The following USP7 variants were observed in gnomAD, a reference collection of about 807,000 sequenced individuals.
USP7 encodes the protein ubiquitin specific peptidase 7, also known as ubiquitin C-terminal hydrolase 7.
In USP7, 9 loss-of-function variants were observed where a neutral mutation model predicts 162.9. The observed-to-expected ratio is 0.06, with a 90% CI of 0.03 to 0.10. The LOEUF is 0.10. Ranked by LOEUF, USP7 falls within the 10% of genes least tolerant of loss-of-function variation. USP7 has a pLI of 1.00. For missense variants in USP7, 715 were observed against 1,373.7 expected, an observed-to-expected ratio of 0.52 and a Z score of 7.58; for synonymous variants, 562 against 475.9, an observed-to-expected ratio of 1.18 and a Z score of -2.35.
At chr16:8,901,881 C>T (rs1046304485) in intron 18 of USP7, 4 of 587,436 alleles carry the variant, frequency 6.8e-6, no homozygotes, top group African/African-American at 5.6e-5. Context: ...CACGTGGCTG[C>T]TACTGTCTCC....
At chr16:8,900,747 G>A (rs1289877114) in intron 20 of USP7, 117 bp from the exon 21 acceptor site, 1 of 766,972 alleles carries the variant, frequency 1.3e-6, no homozygotes, top group Non-Finnish European at 2.0e-6. Context: ...CACCTTTTAA[G>A]TTAAAATGTT....
In USP7 at chr16:8,908,318, C is replaced by T. The variant is rs1302625545; in HGVS notation, c.1271+23G>A. The T allele has an allele frequency of 1.9e-6, 3 of 1,584,990 alleles. No individual in the cohort carries two copies. In the African/African-American group the frequency reaches 4.0e-5, roughly 21 times the overall value. On this transcript the variant is annotated intron_variant, in intron 12 of 30. Transcript: ENST00000344836. ...GACCAGCATGATGATGAAATCTTAACTTTATATCCCACTATAGATTACCTA... is the reference window on the plus strand; with the variant it reads ...GACCAGCATGATGATGAAATCTTAATTTTATATCCCACTATAGATTACCTA...
Position 8,958,574 on chromosome 16 carries a change from G to C in USP7, c.79+4633C>G, listed in dbSNP as rs1425558559. Among the ~76,000 whole-genome samples the C allele has an allele frequency of 2.0e-5, 3 of 152,222 alleles. No homozygotes were observed. The East Asian group carries it at 5.8e-4, about 29-fold the overall frequency. On this transcript the variant is annotated intron_variant, in intron 1 of 30. Transcript: ENST00000344836. Reference sequence around the variant, plus strand: ...AAGGGCCTGCTTTCAGGGGATGTCTGAGACAGCCAAACGGGCCTGGCAACA... The same window carrying C: ...AAGGGCCTGCTTTCAGGGGATGTCTCAGACAGCCAAACGGGCCTGGCAACA...
chr16:8,908,244 T>G, intron 12 of USP7, 97 bp downstream of exon 12: 1 of 965,804 alleles, frequency 1.0e-6, no homozygotes, highest in Non-Finnish European at 1.6e-6. Flanking sequence ...AAATCAGATG[T>G]GGGACTGAAA....
intron 2 of USP7, among the ~76,000 whole-genome samples, chr16:8,926,162 A>AAAAAAGAAAATTTCACT (rs1230203422): frequency 6.6e-6 from 1 of 150,968 alleles, no homozygotes; most frequent in Non-Finnish European, 1.5e-5. Flanking sequence ...TCAAAAAAAA[A>AAAAAAGAAAATTTCACT]AAAAAAGAAA....
In USP7 at chr16:8,895,035, T is replaced by C. The variant is rs1355306601; in HGVS notation, c.3035A>G (p.His1012Arg). The stretch of plus-strand genomic sequence containing the variant: ...CGGCCAACCACAACAGCATACCTGG[T>C]GTATCCTCAGCAAAAACGGGATTCC... ...TFGIPFLLRI[H>R]QGEHFREVMK... Residue 1012 changes from histidine (H) to arginine (R), a missense_variant, in exon 28 of 31, where the codon CAC (histidine) becomes CGC (arginine). His to Arg is a conservative substitution (Grantham distance 29). Coordinates refer to ENST00000344836, the MANE Select transcript of USP7 (RefSeq NM_003470.3). 5.0e-6 allele frequency: 8 copies of C among 1,614,216 alleles called. No homozygotes were observed. The highest frequency in any genetic ancestry group is 2.2e-5 in the East Asian group (1 of 44,894).
chr16:8,895,381 G>A (rs2061665961), intron 27 of USP7, among the ~76,000 whole-genome samples: 1 of 152,166 alleles, frequency 6.6e-6, no homozygotes, highest in Non-Finnish European at 1.5e-5. Flanking sequence ...GCCAAATACT[G>A]TATTATCCCA....
chr16:8,903,093 A>T (rs181550678), intron 16 of USP7, among the ~76,000 whole-genome samples, 175 bp downstream of exon 16: 6 of 152,204 alleles, frequency 3.9e-5, no homozygotes, highest in Non-Finnish European at 8.8e-5. Flanking sequence ...TCAGGGGCTC[A>T]ATGGTTTTCT....
chr16:8,905,206 G>A lies in USP7; in HGVS notation c.1554C>T (p.Tyr518=), dbSNP rs1451565314. The A allele has an allele frequency of 6.2e-7, 1 of 1,614,026 alleles. No homozygotes were observed. The highest frequency in any genetic ancestry group is 2.2e-5 in the East Asian group (1 of 44,898). Residue 518 remains tyrosine, a synonymous_variant, in exon 14 of 31, where the codon TAC becomes TAT. Transcript: ENST00000344836. ...RHCTNAYMLV[Y]IRESKLSEVL... is the part of the protein sequence containing the mutation. ...ACTCACTCAGTTTTGATTCCCTGAT[G>A]TAGACTAACATGTAAGCATTAGTGC...
intron 10 of USP7, among the ~76,000 whole-genome samples, chr16:8,911,649 G>A (rs768409314): frequency 1.3e-5 from 2 of 152,238 alleles, no homozygotes; most frequent in South Asian, 2.1e-4. Flanking sequence ...GCTGCAGCCC[G>A]GAGAAGGCAA....
chr16:8,936,666 C>T (rs756139984), intron 1 of USP7: 2 of 1,544,802 alleles, frequency 1.3e-6, no homozygotes, highest in East Asian at 2.4e-5. Context: ...GGTTCTCTCA[C>T]CCACATCAGA....
At chr16:8,912,995 G>A (rs2061972356) in intron 10 of USP7, among the ~76,000 whole-genome samples, 1 of 152,198 alleles carries the variant, frequency 6.6e-6, no homozygotes, top group Admixed American at 6.5e-5. Context: ...GACATCTGGA[G>A]GCTGGGGGTA....
chr16:8,892,875 A>G lies in USP7; in HGVS notation c.*1123T>C, dbSNP rs1194841896. 2 of 152,238 alleles carry G rather than the reference A, an allele frequency of 1.3e-5. No individual in the cohort carries two copies. The highest frequency in any genetic ancestry group is 3.8e-4 in the East Asian group (2 of 5,204). The allele number at this position is 152,238 out of a possible 1,614,324, so 9.4% of individuals were successfully genotyped here. A position where few individuals can be genotyped will look rare whatever the true frequency, so the allele number is the denominator to read the frequency against. ...CACTGCTCCCACAGAAACAACCCAA[A>G]AAATACCGGAAAAGGATGAAAAATA... is the stretch of plus-strand genomic sequence containing the variant. On this transcript the variant is annotated 3_prime_UTR_variant, in exon 31 of 31. Transcript: ENST00000344836.
chr16:8,895,507 C>A, intron 27 of USP7, 135 bp downstream of exon 27: 2 of 831,368 alleles, frequency 2.4e-6, no homozygotes, highest in Non-Finnish European at 3.9e-6. Flanking sequence ...TAGGTCCACT[C>A]ATGGAATCAT....
intron 1 of USP7, among the ~76,000 whole-genome samples, chr16:8,942,300 G>T (rs1370218689): frequency 6.6e-6 from 1 of 152,192 alleles, no homozygotes. Context: ...GAGTCTGTCG[G>T]ACCTGAGACA....
chr16:8,921,993 C>T (rs959616388), intron 3 of USP7, among the ~76,000 whole-genome samples: 2 of 152,226 alleles, frequency 1.3e-5, no homozygotes, highest in African/African-American at 4.8e-5. Flanking sequence ...TCCCACAGCA[C>T]TTCCTGCTTG....
intron 23 of USP7, chr16:8,898,841 CAA>C (rs2141167498): frequency 1.6e-6 from 1 of 611,006 alleles, no homozygotes; most frequent in Non-Finnish European, 2.8e-6. Context: ...GCAATAGTGA[CAA>C]AACACACAGC....
intron 11 of USP7, among the ~76,000 whole-genome samples, chr16:8,909,900 T>C (rs1393881623): frequency 6.6e-6 from 1 of 152,086 alleles, no homozygotes; most frequent in African/African-American, 2.4e-5. Flanking sequence ...CACTCTAGCC[T>C]GGGGAACAGA....
At position 8,918,934 on chromosome 16, in the gene USP7, G is replaced by A; in HGVS notation, c.720+97C>T. ...GCCATCTGAGGAGACAGGGCCAGGG[G>A]AGGGAGACGCCATGTTTGTTGAGAG... is the stretch of plus-strand genomic sequence containing the variant. On this transcript the variant is annotated intron_variant, in intron 6 of 30. Transcript: ENST00000344836. 4 of 1,205,810 alleles carry A rather than the reference G, an allele frequency of 3.3e-6. No homozygotes were observed. The South Asian group carries it at 5.0e-5, about 15-fold the overall frequency. 74.7% of individuals were successfully genotyped at this position (1,205,810 alleles called of 1,614,324 possible). A position where few individuals can be genotyped will look rare whatever the true frequency, so the allele number is the denominator to read the frequency against.
Sources: allele counts gnomAD v4.1 joint callset (sites outside exome capture counted in the v4.1 genomes callset), GRCh38; gene constraint gnomAD v4.1.1; transcripts MANE v1.5; gene names NCBI Gene and HGNC (gene_info 2026-07-23, HGNC 2026-07-21).